CREBL2: variants seen among roughly 807,000 people sequenced by gnomAD.
CREBL2 encodes cAMP-responsive element-binding protein-like 2.
In CREBL2, 4 loss-of-function variants were observed where a neutral mutation model predicts 19.5. The ratio of observed to expected loss-of-function variants is 0.20; its 90% CI spans 0.10 to 0.47. CREBL2 has a LOEUF of 0.47. Ranked by LOEUF, CREBL2 falls within the 20% of genes least tolerant of loss-of-function variation. The pLI, the probability that CREBL2 is intolerant of heterozygous loss-of-function variation, is 0.98. For synonymous variants in CREBL2, 42 were observed against 46.6 expected, an observed-to-expected ratio of 0.90 and a Z score of 0.40; for missense variants, 85 against 145.1, an observed-to-expected ratio of 0.59 and a Z score of 2.13.
At chr12:12,629,246 T>A (rs1945424986) in intron 1 of CREBL2, among the ~76,000 whole-genome samples, 1 of 152,216 alleles carries the variant, frequency 6.6e-6, no homozygotes. Context: ...TCCAGCCCAC[T>A]AACATGGGCT....
At chr12:12,614,820 C>CTTCCAGT (rs1296022136) in intron 1 of CREBL2, 1 of 358,638 alleles carries the variant, frequency 2.8e-6, no homozygotes, top group East Asian at 8.2e-5. Context: ...ATTGTAGACT[C>CTTCCAGT]TTCCAGTTTT....
chr12:12,629,291 T>G (rs1004023847), intron 1 of CREBL2, among the ~76,000 whole-genome samples: 3 of 152,238 alleles, frequency 2.0e-5, no homozygotes, highest in African/African-American at 7.2e-5. Context: ...TTAATTTCTT[T>G]TAATGATATT....
chr12:12,635,978 A>G lies in CREBL2; in HGVS notation c.213+4A>G. 1.2e-6 allele frequency: 2 copies of G among 1,610,492 alleles called. No homozygotes were observed. Among genetic ancestry groups the G allele is most frequent in the Non-Finnish European group, 1.7e-6 (2 of 1,178,108 alleles). On this transcript the variant is annotated splice_donor_region_variant and intron_variant, in intron 2 of 3. Coordinates refer to ENST00000228865, the MANE Select transcript of CREBL2 (RefSeq NM_001310.4). ...CCTCAGAGAGGAACTGGAAATGGTA[A>G]GAAATCGTCAGTAAACACATGAAAA... is the stretch of plus-strand genomic sequence containing the variant.
chr12:12,631,304 C>A (rs866426774), intron 1 of CREBL2, among the ~76,000 whole-genome samples: 1 of 152,170 alleles, frequency 6.6e-6, no homozygotes, highest in South Asian at 2.1e-4. Context: ...CCCTTGGGCT[C>A]ACTGTCCGCA....
chr12:12,620,517 A>G (rs982076522), intron 1 of CREBL2, among the ~76,000 whole-genome samples: 2 of 152,196 alleles, frequency 1.3e-5, no homozygotes, highest in African/African-American at 2.4e-5. Flanking sequence ...GACATGAGCC[A>G]CCATGCCCGG....
intron 1 of CREBL2, among the ~76,000 whole-genome samples, chr12:12,627,199 T>C (rs750650146): frequency 3.9e-5 from 6 of 152,162 alleles, no homozygotes; most frequent in Non-Finnish European, 7.3e-5. Context: ...AATAAATCAA[T>C]GTTAGTTCAT....
chr12:12,631,330 C>T (rs545639822), intron 1 of CREBL2, among the ~76,000 whole-genome samples: 1 of 152,150 alleles, frequency 6.6e-6, no homozygotes, highest in East Asian at 1.9e-4. Flanking sequence ...CAAATGTGCT[C>T]TAGGGCAGAA....
At chr12:12,617,073 A>G (rs1470847121) in intron 1 of CREBL2, among the ~76,000 whole-genome samples, 1 of 152,228 alleles carries the variant, frequency 6.6e-6, no homozygotes, top group Non-Finnish European at 1.5e-5. Flanking sequence ...ACACTCTGCC[A>G]TCTAGCTGGC....
chr12:12,619,364 C>G (rs1945342271), intron 1 of CREBL2, among the ~76,000 whole-genome samples: 1 of 152,136 alleles, frequency 6.6e-6, no homozygotes, highest in South Asian at 2.1e-4. Flanking sequence ...AATCCCAGCA[C>G]TTTGAGAGGC....
intron 1 of CREBL2, among the ~76,000 whole-genome samples, chr12:12,618,765 C>T (rs1397077920): frequency 6.6e-6 from 1 of 152,200 alleles, no homozygotes; most frequent in Non-Finnish European, 1.5e-5. Context: ...GAGCGAGACT[C>T]CACCTGCAAT....
In CREBL2 at chr12:12,637,636, G is replaced by A. The variant is rs1384661284; in HGVS notation, c.280G>A (p.Gly94Arg). ...TTCTGAAATAAAGGCCCTACTCACT[G>A]GAGAAGAGCAGAACAAATCTCAGCA... ...IPSEIKALLTGEEQNKSQQNS... is the reference protein window; with the variant it reads ...IPSEIKALLTREEQNKSQQNS... Residue 94 changes from glycine (G) to arginine (R), a missense_variant, in exon 3 of 4, where the codon GGA becomes AGA. This residue lies in a region of CREBL2 where 42 missense variants were observed against 38.4 expected (regional missense o/e 1.09). Coordinates refer to ENST00000228865, the MANE Select transcript of CREBL2 (RefSeq NM_001310.4). 1 of 1,613,626 alleles carries A rather than the reference G, an allele frequency of 6.2e-7. No individual in the cohort carries two copies. The highest frequency in any genetic ancestry group is 8.5e-7 in the Non-Finnish European group (1 of 1,179,646).
At chr12:12,612,535 T>C (rs114059326) in intron 1 of CREBL2, among the ~76,000 whole-genome samples, 234 of 152,304 alleles carry the variant, frequency 1.5e-3, no homozygotes, top group African/African-American at 5.1e-3. Flanking sequence ...TTGGAGACTT[T>C]AGTGCACGCT....
At chr12:12,612,985 C>T (rs1020117476) in intron 1 of CREBL2, among the ~76,000 whole-genome samples, 4 of 152,166 alleles carry the variant, frequency 2.6e-5, no homozygotes, top group Admixed American at 2.0e-4. Flanking sequence ...GATTCTCCTG[C>T]CTCAGCCTCC....
intron 1 of CREBL2, among the ~76,000 whole-genome samples, chr12:12,620,316 C>T (rs1945350376): frequency 6.6e-6 from 1 of 152,012 alleles, no homozygotes; most frequent in Non-Finnish European, 1.5e-5. Flanking sequence ...TCACTGCAGC[C>T]TCCACCTCCC....
intron 1 of CREBL2, among the ~76,000 whole-genome samples, chr12:12,616,537 CTACTT>C: frequency 6.6e-6 from 1 of 152,304 alleles, no homozygotes; most frequent in East Asian, 1.9e-4. Context: ...CTGGAATACT[CTACTT>C]GCACTTTGAA....
At chr12:12,625,360 A>G (rs1945393956) in intron 1 of CREBL2, among the ~76,000 whole-genome samples, 2 of 152,224 alleles carry the variant, frequency 1.3e-5, no homozygotes, top group African/African-American at 2.4e-5. Context: ...GAGAATCACA[A>G]TAGCAGAGGG....
At chr12:12,619,270 G>T (rs1945341801) in intron 1 of CREBL2, among the ~76,000 whole-genome samples, 1 of 152,166 alleles carries the variant, frequency 6.6e-6, no homozygotes, top group South Asian at 2.1e-4. Flanking sequence ...AGTCTCCTGA[G>T]GCCACCTCCA....
At chr12:12,628,550 G>A (rs1229962415) in intron 1 of CREBL2, among the ~76,000 whole-genome samples, 1 of 152,160 alleles carries the variant, frequency 6.6e-6, no homozygotes, top group Non-Finnish European at 1.5e-5. Context: ...AGGTCATAAG[G>A]AGTAAATCCT....
chr12:12,614,913 A>C (rs1945298104), intron 1 of CREBL2: 2 of 211,834 alleles, frequency 9.4e-6, no homozygotes, highest in Admixed American at 1.1e-4. Context: ...GCTGGAGTGC[A>C]GTGGCACGAT....
Sources: gnomAD v4.1 joint callset for allele counts (sites outside exome capture counted in the v4.1 genomes callset) on GRCh38, gnomAD v4.1.1 for gene constraint, gnomAD v4.1.1 regional missense constraint, MANE v1.5 for transcripts, NCBI Gene and HGNC (gene_info 2026-07-23, HGNC 2026-07-21) for gene names.